CDH13: variants seen among roughly 807,000 people sequenced by gnomAD.
The protein encoded by CDH13 is cadherin 13.
A neutral mutation model predicts 63.8 loss-of-function variants in CDH13; 24 were observed. The ratio of observed to expected loss-of-function variants is 0.38; its 90% CI spans 0.27 to 0.53. The LOEUF (loss-of-function observed/expected upper bound fraction) is 0.53, where lower values mean the gene tolerates loss of function less well. CDH13 is among the 20% of genes least tolerant of loss of function. CDH13 has a pLI of 0.85. For missense variants in CDH13, 1,049 were observed against 903.1 expected (o/e 1.16, Z -2.07); for synonymous variants, 503 against 355.3 (o/e 1.42, Z -4.67).
At chr16:83,358,805 A>T (rs2091104584) in intron 6 of CDH13, among the ~76,000 whole-genome samples, 1 of 152,154 alleles carries the variant, frequency 6.6e-6, no homozygotes, top group African/African-American at 2.4e-5. Flanking sequence ...TCCTTCCAGA[A>T]AGCATTCTAA....
chr16:82,687,002 G>A (rs1915142179), intron 1 of CDH13, among the ~76,000 whole-genome samples: 1 of 152,190 alleles, frequency 6.6e-6, no homozygotes, highest in Non-Finnish European at 1.5e-5. Context: ...GATTGTGTAT[G>A]GGAAATCCAC....
intron 2 of CDH13, among the ~76,000 whole-genome samples, chr16:82,944,611 A>C (rs909206023): frequency 6.6e-6 from 1 of 152,178 alleles, no homozygotes; most frequent in Non-Finnish European, 1.5e-5. Flanking sequence ...TTAACATCCT[A>C]CAATATACAG....
chr16:82,965,379 A>C (rs1907658636), intron 2 of CDH13, among the ~76,000 whole-genome samples: 1 of 152,208 alleles, frequency 6.6e-6, no homozygotes, highest in Non-Finnish European at 1.5e-5. Context: ...TTTTATTCTC[A>C]TTTAAGTTTT....
intron 6 of CDH13, among the ~76,000 whole-genome samples, chr16:83,358,482 C>T (rs1354603840): frequency 6.6e-6 from 1 of 152,140 alleles, no homozygotes; most frequent in African/African-American, 2.4e-5. Flanking sequence ...TTGCTTCTCT[C>T]CAGAATTATT....
At chr16:82,933,488 C>A (rs540596431) in intron 2 of CDH13, among the ~76,000 whole-genome samples, 1 of 152,136 alleles carries the variant, frequency 6.6e-6, no homozygotes, top group Non-Finnish European at 1.5e-5. Flanking sequence ...GGACACAGAA[C>A]CAGACCATAG....
chr16:82,988,278 A>G (rs1387611612), intron 2 of CDH13, among the ~76,000 whole-genome samples: 3 of 152,208 alleles, frequency 2.0e-5, no homozygotes, highest in Non-Finnish European at 1.5e-5. Context: ...AGAGAATGAA[A>G]TGCACTGGGG....
chr16:83,779,129 G>A (rs981102846), intron 11 of CDH13, among the ~76,000 whole-genome samples: 45 of 152,144 alleles, frequency 3.0e-4, no homozygotes, highest in African/African-American at 1.0e-3. Flanking sequence ...TCTTAAGGCC[G>A]GATGCGGTGG....
intron 2 of CDH13, among the ~76,000 whole-genome samples, chr16:82,863,706 T>A (rs1052049784): frequency 6.6e-6 from 1 of 152,204 alleles, no homozygotes; most frequent in African/African-American, 2.4e-5. Context: ...ATTACTTTCA[T>A]TCATAGACCT....
intron 2 of CDH13, among the ~76,000 whole-genome samples, chr16:83,009,518 G>C (rs1474729050): frequency 6.6e-6 from 1 of 152,042 alleles, no homozygotes; most frequent in Non-Finnish European, 1.5e-5. Flanking sequence ...CCATTTTATA[G>C]ATCATCAAAT....
At chr16:83,306,909 C>T (rs964318109) in intron 5 of CDH13, among the ~76,000 whole-genome samples, 1 of 152,154 alleles carries the variant, frequency 6.6e-6, no homozygotes, top group African/African-American at 2.4e-5. Flanking sequence ...ACAATCAGAC[C>T]TATCCGTAAA....
chr16:83,529,833 T>G (rs1028104453), intron 7 of CDH13, among the ~76,000 whole-genome samples: 1 of 152,190 alleles, frequency 6.6e-6, no homozygotes, highest in Non-Finnish European at 1.5e-5. Flanking sequence ...GTCAGGTGAT[T>G]ATGGAGCGCT....
intron 7 of CDH13, among the ~76,000 whole-genome samples, chr16:83,596,403 C>T (rs777666271): frequency 6.7e-6 from 1 of 149,312 alleles, no homozygotes; most frequent in African/African-American, 2.5e-5. Flanking sequence ...TCCAGTTGTC[C>T]CAGCTTGAAT....
At chr16:83,780,289 C>G (rs1446289505) in intron 12 of CDH13, 88 bp downstream of exon 12, 1 of 811,406 alleles carries the variant, frequency 1.2e-6, no homozygotes. Context: ...ACTGTTCTCT[C>G]AAGTATTCTC....
At chr16:83,383,269 A>G (rs1246972170) in intron 6 of CDH13, 2 of 152,106 alleles carry the variant, frequency 1.3e-5, no homozygotes, top group African/African-American at 4.8e-5. Flanking sequence ...CACACAACCA[A>G]CCCTGCCCAA....
At chr16:82,938,120 A>G (rs2042725350) in intron 2 of CDH13, among the ~76,000 whole-genome samples, 2 of 152,196 alleles carry the variant, frequency 1.3e-5, no homozygotes, top group Admixed American at 1.3e-4. Context: ...TCCACTTGGC[A>G]TTTATTTCTG....
chr16:83,486,764 G>GTATT, intron 7 of CDH13, 109 bp downstream of exon 7: 1 of 949,064 alleles, frequency 1.1e-6, no homozygotes, highest in Non-Finnish European at 1.6e-6. Flanking sequence ...TGTAAAGGCA[G>GTATT]AAATGAGGTG....
chr16:83,726,182 G>A (rs1598595180), intron 10 of CDH13: 1 of 152,246 alleles, frequency 6.6e-6, no homozygotes, highest in Middle Eastern at 3.4e-3. Context: ...ATTGCTTTTG[G>A]AAAGATTGTC....
At chr16:82,901,307 G>T (rs2041457930) in intron 2 of CDH13, among the ~76,000 whole-genome samples, 1 of 147,430 alleles carries the variant, frequency 6.8e-6, no homozygotes, top group African/African-American at 2.5e-5. Flanking sequence ...AATCTTAGTG[G>T]AATAGATAGT....
intron 2 of CDH13, among the ~76,000 whole-genome samples, chr16:82,959,712 T>G (rs759721005): frequency 3.3e-5 from 5 of 152,212 alleles, no homozygotes; most frequent in Non-Finnish European, 7.3e-5. Context: ...ATAGGTTCTG[T>G]TTGCCATATA....
Sources: gnomAD v4.1 joint callset for allele counts (sites outside exome capture counted in the v4.1 genomes callset) on GRCh38, gnomAD v4.1.1 for gene constraint, MANE v1.5 for transcripts, NCBI Gene and HGNC (gene_info 2026-07-23, HGNC 2026-07-21) for gene names.